The following TFDP1 variants were observed in gnomAD, a reference collection of about 807,000 sequenced individuals.
TFDP1 encodes the protein DRTF1-polypeptide 1.
Under a neutral mutation model 48.0 loss-of-function variants are expected in TFDP1, and 6 were observed. That is an observed-to-expected ratio of 0.13 (90% CI 0.07 to 0.25). TFDP1 has a LOEUF of 0.25. Ranked by LOEUF, TFDP1 falls within the 10% of genes least tolerant of loss-of-function variation. TFDP1 has a pLI of 1.00. For missense variants in TFDP1, 335 were observed against 543.0 expected (o/e 0.62, Z 3.81); for synonymous variants, 201 against 211.6 (o/e 0.95, Z 0.44).
At chr13:113,604,736 A>G (rs1324780752) in intron 2 of TFDP1, among the ~76,000 whole-genome samples, 1 of 152,210 alleles carries the variant, frequency 6.6e-6, no homozygotes, top group Non-Finnish European at 1.5e-5. Flanking sequence ...GTTCTGTGTC[A>G]TAGGAGCCCC....
intron 2 of TFDP1, among the ~76,000 whole-genome samples, chr13:113,608,032 T>C (rs1353388409): frequency 6.6e-6 from 1 of 152,184 alleles, no homozygotes; most frequent in Non-Finnish European, 1.5e-5. Flanking sequence ...TCACAGTGGC[T>C]GGGCAAGGCC....
intron 3 of TFDP1, among the ~76,000 whole-genome samples, chr13:113,622,939 G>A (rs1240744575): frequency 6.6e-6 from 1 of 152,272 alleles, no homozygotes. Flanking sequence ...CTGGAGCAGT[G>A]GATGATCTGC....
chr13:113,622,097 G>A (rs911727513), intron 3 of TFDP1, among the ~76,000 whole-genome samples: 7 of 152,208 alleles, frequency 4.6e-5, no homozygotes, highest in African/African-American at 7.2e-5. Flanking sequence ...TCCAGTGGAC[G>A]CGTGACCCAC....
At position 113,628,814 on chromosome 13, in the gene TFDP1, C is replaced by T. The variant is rs150445107; in HGVS notation, c.187-2809C>T. On this transcript the variant is annotated intron_variant, in intron 4 of 11. Coordinates refer to ENST00000375370, the MANE Select transcript of TFDP1 (RefSeq NM_007111.5). ...TTTTCCCTGCGCTTCTGCCCACACACGCCCTCCAGGGCTTCAGTGTGTTGC... is the reference window on the plus strand; with the variant it reads ...TTTTCCCTGCGCTTCTGCCCACACATGCCCTCCAGGGCTTCAGTGTGTTGC... Among the ~76,000 whole-genome samples, 42 of 152,390 alleles carry T rather than the reference C, an allele frequency of 2.8e-4. No homozygotes were observed. In the East Asian group the frequency reaches 7.5e-3, roughly 27 times the overall value.
At position 113,598,852 on chromosome 13, in the gene TFDP1, C is replaced by T. The variant is rs914201365; in HGVS notation, c.13-12144C>T. On this transcript the variant is annotated intron_variant, in intron 2 of 11. Coordinates refer to ENST00000375370, the MANE Select transcript of TFDP1 (RefSeq NM_007111.5). This position sits in a 1 kb window ranked among gnomAD's most constrained non-coding sequence, Gnocchi z 4.2. ...TGATGTTGGGCACCACCCTCGCCTG[C>T]AGCTCATCACCTCTGGATGGATCTT... Among the ~76,000 whole-genome samples, 1 of 152,232 alleles carries T rather than the reference C, an allele frequency of 6.6e-6. No homozygotes were observed. The highest frequency in any genetic ancestry group is 2.4e-5 in the African/African-American group (1 of 41,468).
intron 3 of TFDP1, among the ~76,000 whole-genome samples, chr13:113,620,413 G>A (rs2048969638): frequency 6.6e-6 from 1 of 152,252 alleles, no homozygotes; most frequent in Non-Finnish European, 1.5e-5. Context: ...ACTGGCTTTT[G>A]TGAACTCAGA....
chr13:113,637,331 G>A (rs2049517827), intron 10 of TFDP1: 2 of 293,530 alleles, frequency 6.8e-6, no homozygotes, highest in South Asian at 3.1e-5. Flanking sequence ...GAGGGTCAGA[G>A]ATTCCTCCCT....
chr13:113,632,785 A>G (rs1566674275), intron 5 of TFDP1, among the ~76,000 whole-genome samples: 1 of 152,084 alleles, frequency 6.6e-6, no homozygotes. Context: ...CAAAAAAGAA[A>G]AAACAACAAC....
chr13:113,625,499 C>T (rs1385306301), intron 4 of TFDP1, among the ~76,000 whole-genome samples: 2 of 102,824 alleles, frequency 1.9e-5, no homozygotes, highest in African/African-American at 5.5e-5. Context: ...CTCACGTGTT[C>T]TCAGGTGTCT....
At chr13:113,587,516 ACT>A (rs1366949640) in intron 2 of TFDP1, among the ~76,000 whole-genome samples, 2 of 122,470 alleles carry the variant, frequency 1.6e-5, no homozygotes, top group East Asian at 2.3e-4. Flanking sequence ...ACAGAGTCTC[ACT>A]CTGTCTCCCA....
At chr13:113,616,724 G>C (rs952641811) in intron 3 of TFDP1, among the ~76,000 whole-genome samples, 3 of 152,126 alleles carry the variant, frequency 2.0e-5, no homozygotes, top group Non-Finnish European at 4.4e-5. Context: ...CCTCACTCGT[G>C]ACCGTCGCCT....
Position 113,599,381 on chromosome 13 carries a change from A to G in TFDP1, c.13-11615A>G, listed in dbSNP as rs377225253. Among the ~76,000 whole-genome samples the G allele has an allele frequency of 3.5e-4, 54 of 152,334 alleles. 1 individual carries two copies. In the South Asian group the frequency reaches 0.011, roughly 31 times the overall value. On this transcript the variant is annotated intron_variant, in intron 2 of 11. Transcript: ENST00000375370. Reference sequence around the variant, plus strand: ...GATAGTCATTCACTCTTATTGTCACATAGGCAGCATTTACATTTCTCAAGT... The same window carrying G: ...GATAGTCATTCACTCTTATTGTCACGTAGGCAGCATTTACATTTCTCAAGT...
chr13:113,604,028 G>T (rs1302405025), intron 2 of TFDP1, among the ~76,000 whole-genome samples: 1 of 152,046 alleles, frequency 6.6e-6, no homozygotes, highest in Admixed American at 6.6e-5. Flanking sequence ...AGCCAGGCAT[G>T]GGGTGCATGC....
At chr13:113,592,635 T>TGATCCGCTCCAGTGA (rs2048172799) in intron 2 of TFDP1, among the ~76,000 whole-genome samples, 1 of 152,250 alleles carries the variant, frequency 6.6e-6, no homozygotes, top group Admixed American at 6.5e-5. Flanking sequence ...AGAGACAGTG[T>TGATCCGCTCCAGTGA]GATCCGCTCC....
intron 3 of TFDP1, among the ~76,000 whole-genome samples, chr13:113,620,525 A>G (rs370163998): frequency 2.8e-4 from 42 of 149,712 alleles, no homozygotes; most frequent in Non-Finnish European, 1.8e-4. Context: ...TTGAAAACTG[A>G]GTGTTTACTC....
rs1022195585 is a variant in TFDP1, at chr13:113,623,800, A to G, written c.186+514A>G. On this transcript the variant is annotated intron_variant, in intron 4 of 11. Coordinates refer to ENST00000375370, the MANE Select transcript of TFDP1 (RefSeq NM_007111.5). The surrounding 1 kb of genome is among the most constrained non-coding windows in gnomAD (Gnocchi z 5.2). ...GGAGAGGGGAAGGTGGGCATTGGGA[A>G]GTGGCGCATCCCCCCTCCCCAGGCT... 2.0e-5 allele frequency among the ~76,000 whole-genome samples: 3 copies of G among 152,128 alleles called. No individual in the cohort carries two copies. Among genetic ancestry groups the G allele is most frequent in the African/African-American group, 7.2e-5 (3 of 41,438 alleles).
intron 4 of TFDP1, among the ~76,000 whole-genome samples, chr13:113,624,443 G>T (rs149669527): frequency 2.0e-5 from 3 of 150,148 alleles, no homozygotes; most frequent in Non-Finnish European, 1.5e-5. Flanking sequence ...GTGTCCTCAG[G>T]TATCTCTCAC....
intron 4 of TFDP1, among the ~76,000 whole-genome samples, chr13:113,625,650 A>C (rs1378689489): frequency 4.0e-5 from 5 of 124,392 alleles, no homozygotes; most frequent in Admixed American, 7.9e-5. Flanking sequence ...ACGTGTCCTC[A>C]GGCGTCTCTC....
At position 113,608,127 on chromosome 13, in the gene TFDP1, G is replaced by A. The variant is rs546867573; in HGVS notation, c.13-2869G>A. On this transcript the variant is annotated intron_variant, in intron 2 of 11. Transcript: ENST00000375370. ...CATTTCATGGAGGCCGCAGGCAGCCGCTCTTCCTGGGGGTCTTCCACATGC... is the reference window on the plus strand; with the variant it reads ...CATTTCATGGAGGCCGCAGGCAGCCACTCTTCCTGGGGGTCTTCCACATGC... Among the ~76,000 whole-genome samples the A allele has an allele frequency of 6.6e-5, 10 of 152,266 alleles. No homozygotes were observed. The South Asian group carries it at 8.3e-4, about 13-fold the overall frequency.
Sources: gnomAD v4.1 joint callset for allele counts (sites outside exome capture counted in the v4.1 genomes callset) on GRCh38, gnomAD v4.1.1 for gene constraint, Gnocchi (gnomAD v3.1) non-coding constraint, MANE v1.5 for transcripts, NCBI Gene and HGNC (gene_info 2026-07-23, HGNC 2026-07-21) for gene names.